CHD8: variants seen among roughly 807,000 people sequenced by gnomAD.
CHD8 encodes the protein ATP-dependent chromatin remodeler CHD8.
A neutral mutation model predicts 279.2 loss-of-function variants in CHD8; 31 were observed. That is an observed-to-expected ratio of 0.11 (90% CI 0.08 to 0.15). The LOEUF (loss-of-function observed/expected upper bound fraction) is 0.15. Ranked by LOEUF, CHD8 falls within the 10% of genes least tolerant of loss-of-function variation. The pLI is 1.00. For missense variants in CHD8, 2,146 were observed against 3,230.5 expected (o/e 0.66, Z 8.14); for synonymous variants, 1,081 against 1,139.6 (o/e 0.95, Z 1.04).
chr14:21,452,103 C>G (rs950028635), intron 1 of CHD8, among the ~76,000 whole-genome samples: 14 of 152,116 alleles, frequency 9.2e-5, no homozygotes, highest in African/African-American at 3.1e-4. Context: ...TGCAGTGGCA[C>G]GATCTAGGCT....
At chr14:21,429,449 C>T (rs768876365) in intron 2 of CHD8, 114 bp from the exon 3 acceptor site, 8 of 1,033,428 alleles carry the variant, frequency 7.7e-6, no homozygotes, top group Non-Finnish European at 1.1e-5. Context: ...TCAGAAGACA[C>T]AGTACAACTC....
intron 1 of CHD8, among the ~76,000 whole-genome samples, chr14:21,450,523 GC>G (rs1890232230): frequency 6.6e-6 from 1 of 151,994 alleles, no homozygotes; most frequent in African/African-American, 2.4e-5. Context: ...TGTGATATGG[GC>G]CGGCCTGTAA....
At chr14:21,397,790 T>C (rs1385075534) in intron 27 of CHD8, 33 bp downstream of exon 27, 2 of 1,605,344 alleles carry the variant, frequency 1.2e-6, no homozygotes, top group Middle Eastern at 1.7e-4. Flanking sequence ...CGGCACAAGT[T>C]AGAGTTTTAA....
intron 10 of CHD8, among the ~76,000 whole-genome samples, chr14:21,412,241 G>A (rs1888529780): frequency 6.6e-6 from 1 of 151,956 alleles, no homozygotes; most frequent in African/African-American, 2.4e-5. Flanking sequence ...TGCCTCCCGG[G>A]TTCAAGCGAT....
In CHD8 at chr14:21,405,697, T is replaced by G. The variant is rs150422713; in HGVS notation, c.3051+24A>C. On this transcript the variant is annotated intron_variant, in intron 15 of 37. Transcript: ENST00000646647. This position sits in a 1 kb window ranked among gnomAD's most constrained non-coding sequence, Gnocchi z 4.2. ...CTTCACCTTCTTTGTCCTGAGTTAGTACCTCATCAGATAGATTTCCTACCT... is the reference window on the plus strand; with the variant it reads ...CTTCACCTTCTTTGTCCTGAGTTAGGACCTCATCAGATAGATTTCCTACCT... 1.9e-4 allele frequency: 305 copies of G among 1,612,528 alleles called. No homozygotes were observed. The African/African-American group carries it at 3.6e-3, about 19-fold the overall frequency.
intron 1 of CHD8, among the ~76,000 whole-genome samples, chr14:21,448,579 G>A (rs1890181017): frequency 6.6e-6 from 1 of 151,466 alleles, no homozygotes; most frequent in Non-Finnish European, 1.5e-5. Context: ...TTTGTTTTTT[G>A]AGACACCGTC....
intron 37 of CHD8, chr14:21,386,378 C>T (rs1887236164): frequency 6.8e-6 from 4 of 590,558 alleles, no homozygotes; most frequent in Admixed American, 3.0e-5. Flanking sequence ...CATTCTGATA[C>T]TAAAGTTAAG....
At chr14:21,399,032 C>T (rs990784371) in intron 26 of CHD8, 42 of 399,238 alleles carry the variant, frequency 1.1e-4, no homozygotes, top group African/African-American at 8.2e-4. Context: ...AGGAGGGCAT[C>T]CCACCTGACC....
At position 21,386,087 on chromosome 14, in the gene CHD8, T is replaced by C; in HGVS notation, c.7272A>G (p.Pro2424=). ...SSKKRARRMR[P]DLSKMMALMQ... ...TGAGGGCCATCATCTTAGAAAGGTCTGGTCGCATCCTACGGGCCCGCTTCT... is the reference window on the plus strand; with the variant it reads ...TGAGGGCCATCATCTTAGAAAGGTCCGGTCGCATCCTACGGGCCCGCTTCT... Residue 2424 remains proline (P), a synonymous_variant, in exon 38 of 38, where the codon CCA becomes CCG. Transcript: ENST00000646647. 6.4e-7 allele frequency: 1 copy of C among 1,572,078 alleles called. No homozygotes were observed. The highest frequency in any genetic ancestry group is 1.9e-5 in the Admixed American group (1 of 53,846).
At chr14:21,448,888 G>C (rs1308712872) in intron 1 of CHD8, among the ~76,000 whole-genome samples, 1 of 150,564 alleles carries the variant, frequency 6.6e-6, no homozygotes, top group East Asian at 2.0e-4. Context: ...AAAAGGAGGA[G>C]GCTGGGCTGG....
Position 21,400,594 on chromosome 14 carries a change from A to T in CHD8, c.4389T>A (p.Asp1463Glu). The T allele has an allele frequency of 6.3e-7, 1 of 1,579,878 alleles. No homozygotes were observed. The highest frequency in any genetic ancestry group is 8.5e-7 in the Non-Finnish European group (1 of 1,170,954). ...GCTTGAAGCGTCCATGAGATAAAAT[A>T]TCTCGCCATCGTCCCCAACTAAAAA... The part of the protein sequence containing the change: ...LLVYGWGRWR[D>E]ILSHGRFKRR... The change falls in exon 23 of 38, where the codon GAT becomes GAA. Residue 1463 changes from aspartate (D) to glutamate (E), a missense_variant. Physicochemically the swap from Asp to Glu is conservative, Grantham distance 45. This residue lies in a region of CHD8 where 73 missense variants were observed against 153.2 expected (regional missense o/e 0.48). Coordinates refer to ENST00000646647, the MANE Select transcript of CHD8 (RefSeq NM_001170629.2). The surrounding 1 kb of genome is among the most constrained non-coding windows in gnomAD (Gnocchi z 4.2).
In CHD8 at chr14:21,393,826, G is replaced by C; in HGVS notation, c.5969C>G (p.Thr1990Ser). ...GGGCAGTGGTGAGGCAGTGCGTGAG[G>C]TATACTGCTGGTGCAGCAGTGGAGT... The part of the protein sequence containing the change: ...CSTPLLHQQY[T>S]SRTASPLPLR... The change falls in exon 32 of 38, where the codon ACC (threonine) becomes AGC (serine). Residue 1990 changes from threonine (T) to serine (S), a missense_variant. By Grantham distance (58) the Thr-to-Ser change is moderately conservative. Coordinates refer to ENST00000646647, the MANE Select transcript of CHD8 (RefSeq NM_001170629.2). 6.2e-7 allele frequency: 1 copy of C among 1,614,004 alleles called. No homozygotes were observed. The highest frequency in any genetic ancestry group is 1.3e-5 in the African/African-American group (1 of 75,052).
intron 37 of CHD8, among the ~76,000 whole-genome samples, chr14:21,388,925 T>C (rs1007209790): frequency 6.6e-6 from 1 of 152,210 alleles, no homozygotes; most frequent in Non-Finnish European, 1.5e-5. Context: ...GGGGAATAAT[T>C]AGATAAGGCA....
At chr14:21,430,441 T>G (rs913718363) in intron 2 of CHD8, 4 of 183,576 alleles carry the variant, frequency 2.2e-5, no homozygotes, top group African/African-American at 9.4e-5. Flanking sequence ...GATGTTTCTT[T>G]GTTCCCATAG....
At chr14:21,437,223 C>A in intron 1 of CHD8, 1 of 1,185,900 alleles carries the variant, frequency 8.4e-7, no homozygotes, top group South Asian at 1.5e-5. Context: ...CCGGTTCGCC[C>A]CTCTCCCTGT....
At position 21,431,706 on chromosome 14, in the gene CHD8, G is replaced by T. The variant is rs1042720689; in HGVS notation, c.-63C>A. 68 of 1,601,268 alleles carry T rather than the reference G, an allele frequency of 4.2e-5. 2 individuals carry two copies. The South Asian group carries it at 7.3e-4, about 17-fold the overall frequency. ...GGGAGGGAAGGGGAGGGGGGGTACT[G>T]GCTCTCCCCTCCCCTCCCCTATTAA... On this transcript the variant is annotated 5_prime_UTR_variant, in exon 2 of 38. Transcript: ENST00000646647.
chr14:21,426,137 G>A lies in CHD8; in HGVS notation c.1707C>T (p.Ser569=). 1.3e-6 allele frequency: 2 copies of A among 1,593,290 alleles called. No homozygotes were observed. Among genetic ancestry groups the A allele is most frequent in the Non-Finnish European group, 8.6e-7 (1 of 1,162,722 alleles). Residue 569 remains serine (S), a synonymous_variant, in exon 5 of 38, where the codon AGC becomes AGT. Transcript: ENST00000646647. ...PAQSPREDEE[S]SIQKRRSNRQ... is the part of the protein sequence containing the mutation. The stretch of plus-strand genomic sequence containing the variant: ...TTTGGGATCCTTTTACCTGAATGCT[G>A]CTTTCTTCATCTTCTCGAGGTGACT...
chr14:21,387,840 C>T (rs1364935617), intron 37 of CHD8, among the ~76,000 whole-genome samples: 1 of 146,728 alleles, frequency 6.8e-6, no homozygotes, highest in African/African-American at 2.5e-5. Context: ...GAATTCTGTA[C>T]TAGTCATATT....
In CHD8 at chr14:21,392,790, C is replaced by T; in HGVS notation, c.6488G>A (p.Arg2163His). 6.2e-7 allele frequency: 1 copy of T among 1,613,806 alleles called. No homozygotes were observed. The highest frequency in any genetic ancestry group is 8.5e-7 in the Non-Finnish European group (1 of 1,179,828). The part of the protein sequence containing the change: ...EWPKDRVLIN[R>H]IDLVCQAVLS... The stretch of plus-strand genomic sequence containing the variant: ...TACAGCCTGGCAGACGAGGTCAATA[C>T]GGTTTATCAGGACACGATCCTGAAT... Residue 2163 changes from arginine (R) to histidine (H), a missense_variant, in exon 34 of 38, where the codon CGT becomes CAT. Around this residue, in one of 26 missense-constraint regions of CHD8, gnomAD observed 513 missense variants for 637.6 expected, o/e 0.80. Transcript: ENST00000646647.
Sources: allele counts gnomAD v4.1 joint callset (sites outside exome capture counted in the v4.1 genomes callset), GRCh38; gene constraint gnomAD v4.1.1; regional missense constraint gnomAD v4.1.1; non-coding constraint Gnocchi (gnomAD v3.1); transcripts MANE v1.5; gene names NCBI Gene and HGNC (gene_info 2026-07-23, HGNC 2026-07-21).